The following PTPRD variants were observed in gnomAD, a reference collection of about 807,000 sequenced individuals.
PTPRD encodes protein tyrosine phosphatase receptor type D.
Under a neutral mutation model 214.5 loss-of-function variants are expected in PTPRD, and 34 were observed. The observed-to-expected ratio is 0.16, with a 90% CI of 0.12 to 0.21. The LOEUF is 0.21. Ranked by LOEUF, PTPRD falls within the 10% of genes least tolerant of loss-of-function variation. PTPRD has a pLI of 1.00. For missense variants in PTPRD, 2,545 were observed against 2,398.7 expected (o/e 1.06, Z -1.27); for synonymous variants, 1,128 against 845.7 (o/e 1.33, Z -5.79).
At position 9,604,357 on chromosome 9, in the gene PTPRD, G is replaced by A. The variant is rs1211832450; in HGVS notation, c.-286-29576C>T. Among the ~76,000 whole-genome samples the A allele has an allele frequency of 2.0e-5, 3 of 151,888 alleles. No individual in the cohort carries two copies. The East Asian group carries it at 5.8e-4, about 29-fold the overall frequency. On this transcript the variant is annotated intron_variant, in intron 7 of 45. Transcript: ENST00000381196. The stretch of plus-strand genomic sequence containing the variant: ...CAATTAATATTCAACTTAAGCAAGG[G>A]TATAAGCATATTTTGTGAGGGAAAT...
chr9:8,541,137 G>C (rs969184813), intron 14 of PTPRD, among the ~76,000 whole-genome samples: 5 of 152,090 alleles, frequency 3.3e-5, no homozygotes, highest in Admixed American at 3.3e-4. Flanking sequence ...AGATCTATGG[G>C]GAAACATTTC....
intron 8 of PTPRD, among the ~76,000 whole-genome samples, chr9:9,445,010 G>C (rs1489699104): frequency 1.3e-5 from 2 of 151,922 alleles, no homozygotes; most frequent in Non-Finnish European, 2.9e-5. Flanking sequence ...ATTATTTCTT[G>C]ATCAAATTTT....
intron 7 of PTPRD, among the ~76,000 whole-genome samples, chr9:9,678,499 G>T (rs1188298420): frequency 6.6e-6 from 1 of 151,888 alleles, no homozygotes; most frequent in African/African-American, 2.4e-5. Context: ...ATTTTTAAGA[G>T]CTCCTAGAAA....
At chr9:10,213,721 C>A (rs1396073008) in intron 3 of PTPRD, among the ~76,000 whole-genome samples, 1 of 152,038 alleles carries the variant, frequency 6.6e-6, no homozygotes, top group Non-Finnish European at 1.5e-5. Context: ...GAAGTAAGAT[C>A]TGCCTTGGAA....
At chr9:9,446,008 T>G (rs567460303) in intron 8 of PTPRD, among the ~76,000 whole-genome samples, 2 of 152,322 alleles carry the variant, frequency 1.3e-5, no homozygotes, top group South Asian at 4.1e-4. Flanking sequence ...CAACTGAATT[T>G]AAAGAACTCC....
chr9:10,362,739 G>C (rs776917704), intron 2 of PTPRD, among the ~76,000 whole-genome samples: 4 of 152,072 alleles, frequency 2.6e-5, no homozygotes, highest in Non-Finnish European at 5.9e-5. Flanking sequence ...AATTAGCCAG[G>C]CATGGTGTCA....
chr9:9,540,238 C>G (rs541079416), intron 8 of PTPRD, among the ~76,000 whole-genome samples: 1 of 146,042 alleles, frequency 6.8e-6, no homozygotes, highest in African/African-American at 2.5e-5. Context: ...ATATGTTACT[C>G]ACACAGTCAT....
chr9:9,922,031 G>C lies in PTPRD; in HGVS notation c.-368+16476C>G, dbSNP rs888978142. On this transcript the variant is annotated intron_variant, in intron 5 of 45. Coordinates refer to ENST00000381196, the MANE Select transcript of PTPRD (RefSeq NM_002839.4). The stretch of plus-strand genomic sequence containing the variant: ...AATAAATTGTGGAGGATGGGAAGCA[G>C]GTGGAGAAATGATTCATATAGCAGG... Among the ~76,000 whole-genome samples the C allele has an allele frequency of 2.0e-5, 3 of 152,126 alleles. No individual in the cohort carries two copies. The South Asian group carries it at 6.2e-4, about 31-fold the overall frequency.
At chr9:9,602,196 A>T (rs1188077927) in intron 7 of PTPRD, among the ~76,000 whole-genome samples, 3 of 152,064 alleles carry the variant, frequency 2.0e-5, no homozygotes, top group African/African-American at 7.2e-5. Flanking sequence ...TTTTTGAAGA[A>T]AACTATGTTA....
chr9:9,714,596 T>C (rs2097786917), intron 7 of PTPRD, among the ~76,000 whole-genome samples: 1 of 152,224 alleles, frequency 6.6e-6, no homozygotes, highest in Non-Finnish European at 1.5e-5. Context: ...TTCTTTAGCA[T>C]ATCTTGCAGA....
chr9:9,968,946 C>T (rs908618973), intron 4 of PTPRD, among the ~76,000 whole-genome samples: 2 of 152,118 alleles, frequency 1.3e-5, no homozygotes, highest in Admixed American at 6.5e-5. Flanking sequence ...ATTCAAGGCC[C>T]CCACGATAAG....
chr9:8,407,424 T>G (rs2093100282), intron 35 of PTPRD, among the ~76,000 whole-genome samples: 1 of 152,198 alleles, frequency 6.6e-6, no homozygotes, highest in South Asian at 2.1e-4. Flanking sequence ...GTAATTTGGC[T>G]AAGCTCACAC....
Position 8,669,209 on chromosome 9 carries a change from C to T in PTPRD, c.65-32365G>A, listed in dbSNP as rs981795200. On this transcript the variant is annotated intron_variant, in intron 12 of 45. Transcript: ENST00000381196. ...ACACAGCCCCACTCTGGTACTGTTA[C>T]TAGAGGGTAGCGGGGTGAATTTCAA... Among the ~76,000 whole-genome samples, 24 of 152,200 alleles carry T rather than the reference C, an allele frequency of 1.6e-4. No individual in the cohort carries two copies. In the East Asian group the frequency reaches 4.2e-3, roughly 27 times the overall value.
intron 2 of PTPRD, among the ~76,000 whole-genome samples, chr9:10,369,839 G>C (rs115175168): frequency 6.6e-6 from 1 of 151,798 alleles, no homozygotes; most frequent in Admixed American, 6.6e-5. Context: ...CCTATCTCTC[G>C]GTTAAGTTTT....
At chr9:9,151,750 C>G (rs1053608859) in intron 10 of PTPRD, among the ~76,000 whole-genome samples, 1 of 152,114 alleles carries the variant, frequency 6.6e-6, no homozygotes, top group African/African-American at 2.4e-5. Context: ...TGATAAATCA[C>G]AGATTGCTCA....
chr9:9,998,129 A>AAAAATATATATATATATATATATATAT (rs57991748), intron 4 of PTPRD, among the ~76,000 whole-genome samples: 1 of 91,492 alleles, frequency 1.1e-5, no homozygotes, highest in African/African-American at 5.9e-5. Context: ...AAAAAAAAAA[A>AAAAATATATATATATATATATATATAT]ATATATATAT....
chr9:9,892,264 A>ACATAT, intron 5 of PTPRD, among the ~76,000 whole-genome samples: 1 of 152,252 alleles, frequency 6.6e-6, no homozygotes, highest in African/African-American at 2.4e-5. Context: ...ATAGCCAGAT[A>ACATAT]AGGCCTTATA....
At chr9:10,230,364 TC>T (rs1394926363) in intron 3 of PTPRD, among the ~76,000 whole-genome samples, 1 of 151,976 alleles carries the variant, frequency 6.6e-6, no homozygotes, top group Non-Finnish European at 1.5e-5. Context: ...ATCTCCCTGA[TC>T]TTCTTAGTCT....
chr9:9,567,211 G>A (rs930150031), intron 8 of PTPRD, among the ~76,000 whole-genome samples: 1 of 151,864 alleles, frequency 6.6e-6, no homozygotes, highest in Non-Finnish European at 1.5e-5. Flanking sequence ...AGGTGTGTGA[G>A]TGGGTCTTGG....
Sources: gnomAD v4.1 joint callset for allele counts (sites outside exome capture counted in the v4.1 genomes callset) on GRCh38, gnomAD v4.1.1 for gene constraint, MANE v1.5 for transcripts, NCBI Gene and HGNC (gene_info 2026-07-23, HGNC 2026-07-21) for gene names.